Variants in ANKFN1 observed in about 807,000 individuals in gnomAD.
ANKFN1 encodes ankyrin repeat and fibronectin type III domain containing 1.
ANKFN1 carries 74 observed loss-of-function variants against 108.7 expected under a neutral mutation model. That is an observed-to-expected ratio of 0.68 (90% CI 0.56 to 0.83). The LOEUF (loss-of-function observed/expected upper bound fraction) is 0.83. Among genes scored for constraint, ANKFN1 ranks in the 40% least tolerant of loss-of-function variants. ANKFN1 has a pLI of 0.00. For missense variants in ANKFN1, 1,505 were observed against 1,382.3 expected, an observed-to-expected ratio of 1.09 and a Z score of -1.41; for synonymous variants, 547 against 516.2, an observed-to-expected ratio of 1.06 and a Z score of -0.81.
chr17:56,386,378 A>G lies in ANKFN1; in HGVS notation c.910+11664A>G, dbSNP rs377286587. ...GGAGATATACGTAATGCTAAATGAC[A>G]AGTTAATGGGTGCAGCACACCAGCA... On this transcript the variant is annotated intron_variant, in intron 8 of 20. Coordinates refer to ENST00000682825, the MANE Select transcript of ANKFN1 (RefSeq NM_001370326.1). Among the ~76,000 whole-genome samples the G allele has an allele frequency of 4.5e-4, 69 of 151,820 alleles. 1 individual carries two copies. In the East Asian group the frequency reaches 0.01, roughly 22 times the overall value.
chr17:56,078,884 C>T (rs919733139), intron 4 of ANKFN1, among the ~76,000 whole-genome samples: 4 of 152,160 alleles, frequency 2.6e-5, no homozygotes, highest in Non-Finnish European at 4.4e-5. Context: ...GGTGTTAAGT[C>T]TCTCCTAGCC....
chr17:56,482,468 A>G lies in ANKFN1; in HGVS notation c.2204A>G (p.Asn735Ser), dbSNP rs1426152334. 5.6e-6 allele frequency: 9 copies of G among 1,613,474 alleles called. No individual in the cohort carries two copies. In the Admixed American group the frequency reaches 1.5e-4, roughly 27 times the overall value. ...GTCTGTACAGCCCCAGGACAGAATA[A>G]TCCTTACACCCCACACTCAGGGTTT... ...DDVCTAPGQN[N>S]PYTPHSGFLN... Residue 735 changes from asparagine (N) to serine (S), a missense_variant, in exon 18 of 21, where the codon AAT (asparagine) becomes AGT (serine). Coordinates refer to ENST00000682825, the MANE Select transcript of ANKFN1 (RefSeq NM_001370326.1).
intron 2 of ANKFN1, among the ~76,000 whole-genome samples, chr17:56,222,627 A>G (rs1445469032): frequency 6.6e-6 from 1 of 152,214 alleles, no homozygotes; most frequent in African/African-American, 2.4e-5. Flanking sequence ...TTGAAACTCA[A>G]AAATATTGCT....
At chr17:56,270,805 C>A (rs1253001834) in intron 3 of ANKFN1, among the ~76,000 whole-genome samples, 1 of 152,132 alleles carries the variant, frequency 6.6e-6, no homozygotes, top group Non-Finnish European at 1.5e-5. Context: ...GTTTCCTCAG[C>A]CTGTAATGTT....
intron 6 of ANKFN1, among the ~76,000 whole-genome samples, chr17:56,363,908 GA>G (rs1229328746): frequency 3.9e-5 from 6 of 152,130 alleles, no homozygotes; most frequent in Non-Finnish European, 8.8e-5. Flanking sequence ...GCAGAAAGTG[GA>G]ATGGTGGTTA....
chr17:56,295,416 C>T (rs1268299242), intron 3 of ANKFN1, among the ~76,000 whole-genome samples: 1 of 152,172 alleles, frequency 6.6e-6, no homozygotes, highest in Non-Finnish European at 1.5e-5. Context: ...GTATCAGTAT[C>T]ACCTGGGAAT....
chr17:56,331,404 A>G (rs1044507444), intron 4 of ANKFN1, among the ~76,000 whole-genome samples: 1 of 152,192 alleles, frequency 6.6e-6, no homozygotes, highest in Non-Finnish European at 1.5e-5. Flanking sequence ...ATGTCTTACA[A>G]CTGCTTCTCA....
intron 17 of ANKFN1, among the ~76,000 whole-genome samples, chr17:56,481,082 CAAAAAAA>C (rs11439875): frequency 6.1e-5 from 4 of 65,886 alleles, no homozygotes; most frequent in South Asian, 1.2e-3. Context: ...GTCTGGTCAG[CAAAAAAA>C]AAAAAAAAAA....
At chr17:56,387,881 G>T (rs2047319972) in intron 8 of ANKFN1, among the ~76,000 whole-genome samples, 1 of 152,004 alleles carries the variant, frequency 6.6e-6, no homozygotes, top group Non-Finnish European at 1.5e-5. Flanking sequence ...CTTGTAAAGG[G>T]TATATAGTTA....
chr17:56,418,065 A>G (rs2145035822), intron 8 of ANKFN1, among the ~76,000 whole-genome samples: 1 of 152,340 alleles, frequency 6.6e-6, no homozygotes, highest in Admixed American at 6.5e-5. Context: ...ATCGTTTGGC[A>G]AAACTTCCCC....
chr17:56,123,843 G>GAA (rs1398929489), intron 4 of ANKFN1, among the ~76,000 whole-genome samples: 1 of 148,646 alleles, frequency 6.7e-6, no homozygotes, highest in Non-Finnish European at 1.5e-5. Context: ...GAGACACAGA[G>GAA]AGAGAGAGAG....
intron 4 of ANKFN1, among the ~76,000 whole-genome samples, chr17:56,097,275 ATGAAGATTT>A (rs58637116): frequency 0.33 from 50,732 of 151,720 alleles, 9,284 homozygotes; most frequent in East Asian, 0.51. Flanking sequence ...TAACTTAAAA[ATGAAGATTT>A]TGAAGATTGT....
intron 4 of ANKFN1, among the ~76,000 whole-genome samples, chr17:56,074,638 A>G (rs1006116015): frequency 6.6e-6 from 1 of 152,222 alleles, no homozygotes; most frequent in African/African-American, 2.4e-5. Context: ...GTGCCTTAGT[A>G]GCATTTGTTT....
intron 4 of ANKFN1, among the ~76,000 whole-genome samples, chr17:56,343,980 T>C (rs943610865): frequency 1.3e-5 from 2 of 152,028 alleles, no homozygotes; most frequent in South Asian, 2.1e-4. Flanking sequence ...CAGAATTTTC[T>C]TTATTTCTTT....
chr17:56,077,412 T>C (rs1905193733), intron 4 of ANKFN1, among the ~76,000 whole-genome samples: 1 of 152,204 alleles, frequency 6.6e-6, no homozygotes, highest in Non-Finnish European at 1.5e-5. Flanking sequence ...CTGCAACCTA[T>C]GGACCCGATC....
chr17:56,458,274 C>A (rs530325242), intron 14 of ANKFN1, among the ~76,000 whole-genome samples: 1 of 152,054 alleles, frequency 6.6e-6, no homozygotes, highest in South Asian at 2.1e-4. Flanking sequence ...TATTAGTCAG[C>A]CGACTCAGTT....
At chr17:56,501,181 A>G (rs143099627) in intron 20 of ANKFN1, among the ~76,000 whole-genome samples, 5 of 152,340 alleles carry the variant, frequency 3.3e-5, no homozygotes, top group Admixed American at 6.5e-5. Context: ...CACAGTGAAC[A>G]AAAGGGCGGA....
rs3086033 is a variant in ANKFN1 at position 56,280,008 on chromosome 17, C to CTTT, written c.54-46199_54-46197dup. On this transcript the variant is annotated intron_variant, in intron 3 of 20. Transcript: ENST00000682825. ...TTTCAGGTTGGGAGCCACATAATGT[C>CTTT]TTTTTTTTTTTTTTTTCTCAAGACG... is the stretch of plus-strand genomic sequence containing the variant. Among the ~76,000 whole-genome samples the CTTT allele has an allele frequency of 1.3e-3, 169 of 134,854 alleles. 6 individuals are homozygous for CTTT. The highest frequency in any genetic ancestry group is 4.6e-3 in the African/African-American group (158 of 34,072). The allele number at this position is 134,854 out of a possible 152,430, so 88.5% of individuals were successfully genotyped here.
At chr17:56,060,003 C>A (rs1181880777) in intron 4 of ANKFN1, among the ~76,000 whole-genome samples, 3 of 152,074 alleles carry the variant, frequency 2.0e-5, no homozygotes, top group African/African-American at 7.2e-5. Flanking sequence ...AGCATTGAAT[C>A]TATAAATTAC....
Sources: gnomAD v4.1 joint callset for allele counts (sites outside exome capture counted in the v4.1 genomes callset) on GRCh38, gnomAD v4.1.1 for gene constraint, MANE v1.5 for transcripts, NCBI Gene and HGNC (gene_info 2026-07-23, HGNC 2026-07-21) for gene names.